KMT2A: variants seen among roughly 807,000 people sequenced by gnomAD.
KMT2A encodes histone-lysine N-methyltransferase 2A.
KMT2A carries 16 observed loss-of-function variants against 345.3 expected under a neutral mutation model. The observed-to-expected ratio is 0.05, with a 90% CI of 0.03 to 0.07. The LOEUF (loss-of-function observed/expected upper bound fraction) is 0.07. KMT2A is among the 10% of genes least tolerant of loss of function. The pLI is 1.00. For missense variants in KMT2A, 3,272 were observed against 4,841.6 expected (o/e 0.68, Z 9.62); for synonymous variants, 1,599 against 1,778.6 (o/e 0.90, Z 2.54).
chr11:118,437,314 C>T (rs1394490675), intron 1 of KMT2A, among the ~76,000 whole-genome samples: 1 of 152,008 alleles, frequency 6.6e-6, no homozygotes, highest in Non-Finnish European at 1.5e-5. Flanking sequence ...GAGACCTGAT[C>T]CCGCCACATC....
rs1428604342 is a variant in KMT2A at position 118,523,607 on chromosome 11, C to CA, written c.*1436dup. The CA allele has an allele frequency of 2.6e-5, 6 of 228,074 alleles. No homozygotes were observed. The East Asian group carries it at 3.2e-4, about 12-fold the overall frequency. The allele number at this position is 228,074 out of a possible 1,614,324, so 14.1% of individuals were successfully genotyped here. On this transcript the variant is annotated 3_prime_UTR_variant, in exon 36 of 36. Coordinates refer to ENST00000534358, the MANE Select transcript of KMT2A (RefSeq NM_001197104.2). The stretch of plus-strand genomic sequence containing the variant: ...GTATATTTTTCTATGAGAAGCACTT[C>CA]ATAGGGAGAAGCACTTATGACAAGG...
rs1555031481 is a variant in KMT2A at position 118,458,232 on chromosome 11, C to G, written c.433-10543C>G. On this transcript the variant is annotated intron_variant, in intron 1 of 35. Coordinates refer to ENST00000534358, the MANE Select transcript of KMT2A (RefSeq NM_001197104.2). ...CCAAGTAGCTGGGACTACAGGCACCCACCACACCCAGTTAATTTTTTCTAT... is the reference window on the plus strand; with the variant it reads ...CCAAGTAGCTGGGACTACAGGCACCGACCACACCCAGTTAATTTTTTCTAT... 1.0e-5 allele frequency: 3 copies of G among 300,928 alleles called. No homozygotes were observed. The Admixed American group carries it at 1.4e-4, about 14-fold the overall frequency. 18.6% of individuals were successfully genotyped at this position (300,928 alleles called of 1,614,324 possible).
In KMT2A at chr11:118,493,419, AG is replaced by A. The variant is rs1393031545; in HGVS notation, c.5178+192del. Reference sequence around the variant, plus strand: ...TGTGTTTCAGAAGAAGGGTTGTGATAGGGAAGATAATGTCTTAAAATAGTTC... The same window carrying A: ...TGTGTTTCAGAAGAAGGGTTGTGATAGGAAGATAATGTCTTAAAATAGTTC... On this transcript the variant is annotated intron_variant, in intron 16 of 35. Transcript: ENST00000534358. This position sits in a 1 kb window ranked among gnomAD's most constrained non-coding sequence, Gnocchi z 5.8. Among the ~76,000 whole-genome samples the A allele has an allele frequency of 1.3e-5, 2 of 152,248 alleles. No individual in the cohort carries two copies. The highest frequency in any genetic ancestry group is 2.4e-5 in the African/African-American group (1 of 41,478).
Position 118,473,906 on chromosome 11 carries a change from T to G in KMT2A, c.2747T>G (p.Val916Gly). The change falls in exon 3 of 36, where the codon GTT becomes GGT. Residue 916 changes from valine (V) to glycine (G), a missense_variant. By Grantham distance (109) the Val-to-Gly change is moderately radical. Coordinates refer to ENST00000534358, the MANE Select transcript of KMT2A (RefSeq NM_001197104.2). This position sits in a 1 kb window ranked among gnomAD's most constrained non-coding sequence, Gnocchi z 5.2. ...GTGGGTAGGGTTTCCAAAGAGAAGG[T>G]TGTTGGTGAAGATGTTGCCACTTCA... ...YPVGRVSKEK[V>G]VGEDVATSSS... The G allele has an allele frequency of 6.2e-7, 1 of 1,614,132 alleles. No individual in the cohort carries two copies. Among genetic ancestry groups the G allele is most frequent in the African/African-American group, 1.3e-5 (1 of 75,030 alleles).
At position 118,521,293 on chromosome 11, in the gene KMT2A, C is replaced by T. The variant is rs781904444; in HGVS notation, c.11519C>T (p.Pro3840Leu). 9.3e-6 allele frequency: 15 copies of T among 1,613,876 alleles called. No homozygotes were observed. In the East Asian group the frequency reaches 3.3e-4, roughly 36 times the overall value. Residue 3840 changes from proline (P) to leucine (L), a missense_variant, in exon 35 of 36, where the codon CCC (proline) becomes CTC (leucine). By Grantham distance (98) the Pro-to-Leu change is moderately conservative. Around this residue, in one of 27 missense-constraint regions of KMT2A, gnomAD observed 78 missense variants for 254.5 expected, o/e 0.31. Transcript: ENST00000534358. The surrounding 1 kb of genome is among the most constrained non-coding windows in gnomAD (Gnocchi z 5.3). ...SKEAVGVYRS[P>L]IHGRGLFCKR... ...CTTTTCCATCTTTGTCCTAGGTCTCCCATCCATGGCCGGGGTCTTTTCTGT... is the reference window on the plus strand; with the variant it reads ...CTTTTCCATCTTTGTCCTAGGTCTCTCATCCATGGCCGGGGTCTTTTCTGT...
rs1392459583 is a variant in KMT2A, at chr11:118,494,180, T to C, written c.5179-108T>C. 3.0e-6 allele frequency: 2 copies of C among 656,678 alleles called. No individual in the cohort carries two copies. Among genetic ancestry groups the C allele is most frequent in the Non-Finnish European group, 5.5e-6 (2 of 360,572 alleles). 40.7% of individuals were successfully genotyped at this position (656,678 alleles called of 1,614,324 possible). ...AGTATTATACCACATTAAAATAGGG[T>C]GTGAGTTTTCTGTTGGATCTCTGTG... On this transcript the variant is annotated intron_variant, in intron 16 of 35. Coordinates refer to ENST00000534358, the MANE Select transcript of KMT2A (RefSeq NM_001197104.2). The surrounding 1 kb of genome is among the most constrained non-coding windows in gnomAD (Gnocchi z 5.8).
rs1949983347 is a variant in KMT2A at position 118,473,651 on chromosome 11, G to C, written c.2492G>C (p.Ser831Thr). Residue 831 changes from serine (S) to threonine (T), a missense_variant, in exon 3 of 36, where the codon AGT becomes ACT. Ser to Thr is a moderately conservative substitution (Grantham distance 58). Transcript: ENST00000534358. The surrounding 1 kb of genome is among the most constrained non-coding windows in gnomAD (Gnocchi z 5.2). ...CCGGCAGAGCCATTTTCATCAAGTA[G>C]TCCTACTCCTCTCTTCCCTTGGTTT... ...SAPAEPFSSS[S>T]PTPLFPWFTP... 6.2e-7 allele frequency: 1 copy of C among 1,614,090 alleles called. No individual in the cohort carries two copies. The highest frequency in any genetic ancestry group is 8.5e-7 in the Non-Finnish European group (1 of 1,180,040).
chr11:118,479,973 A>T (rs1555038753), intron 5 of KMT2A, among the ~76,000 whole-genome samples: 1 of 152,232 alleles, frequency 6.6e-6, no homozygotes, highest in Admixed American at 6.5e-5. Flanking sequence ...TGCTCCTTTT[A>T]GATCCTAAAG....
At chr11:118,518,670 C>A (rs1950878828) in intron 31 of KMT2A, among the ~76,000 whole-genome samples, 1 of 151,504 alleles carries the variant, frequency 6.6e-6, no homozygotes, top group South Asian at 2.1e-4. Context: ...GTAGTCCCAG[C>A]TACTTGGGAG....
chr11:118,520,135 A>C lies in KMT2A; in HGVS notation c.11429+71A>C, dbSNP rs1037113398. The C allele has an allele frequency of 9.9e-7, 1 of 1,006,942 alleles. No individual in the cohort carries two copies. The highest frequency in any genetic ancestry group is 2.1e-4 in the Middle Eastern group (1 of 4,798). The allele number at this position is 1,006,942 out of a possible 1,614,324, so 62.4% of individuals were successfully genotyped here. A position where few individuals can be genotyped will look rare whatever the true frequency, so the allele number is the denominator to read the frequency against. On this transcript the variant is annotated intron_variant, in intron 33 of 35. Transcript: ENST00000534358. This position sits in a 1 kb window ranked among gnomAD's most constrained non-coding sequence, Gnocchi z 4.3. ...CCTCCAGCTGGTCAGGGCACTACGT[A>C]GGAATTTGTTTGCATCAGAATTTCC...
rs377462697 is a variant in KMT2A at position 118,488,711 on chromosome 11, G to A, written c.4430G>A (p.Arg1477His). ...GACCAGCTGGAAAATTGGTGTTGTC[G>A]TCGTTGCAAATTCTGTCACGTTTGT... ...LEDQLENWCCRRCKFCHVCGR... is the reference protein window; with the variant it reads ...LEDQLENWCCHRCKFCHVCGR... The change falls in exon 11 of 36, where the codon CGT becomes CAT. Residue 1477 changes from arginine (R) to histidine (H), a missense_variant. Coordinates refer to ENST00000534358, the MANE Select transcript of KMT2A (RefSeq NM_001197104.2). 5.0e-6 allele frequency: 8 copies of A among 1,614,132 alleles called. No homozygotes were observed. Among genetic ancestry groups the A allele is most frequent in the Admixed American group, 1.7e-5 (1 of 60,012 alleles).
intron 10 of KMT2A, among the ~76,000 whole-genome samples, chr11:118,485,206 TATTA>T (rs1419151885): frequency 2.0e-5 from 3 of 152,218 alleles, no homozygotes; most frequent in Admixed American, 6.5e-5. Flanking sequence ...ATTCAGTCTT[TATTA>T]GAGTTCTGAT....
rs1950428866 is a variant in KMT2A at position 118,497,506 on chromosome 11, C to T, written c.5665-430C>T. Among the ~76,000 whole-genome samples, 1 of 152,126 alleles carries T rather than the reference C, an allele frequency of 6.6e-6. No homozygotes were observed. The highest frequency in any genetic ancestry group is 6.5e-5 in the Admixed American group (1 of 15,280). On this transcript the variant is annotated intron_variant, in intron 20 of 35. Transcript: ENST00000534358. This position sits in a 1 kb window ranked among gnomAD's most constrained non-coding sequence, Gnocchi z 4.8. ...GGCTTCCGGGGCTCAAGTGATCCTC[C>T]TACCTCAGCCTCCTGAGTAGCTGAG...
intron 31 of KMT2A, among the ~76,000 whole-genome samples, chr11:118,515,365 G>A (rs1436105668): frequency 6.6e-6 from 1 of 152,020 alleles, no homozygotes; most frequent in African/African-American, 2.4e-5. Context: ...CTGTGCCTAC[G>A]GAAATCCCAA....
rs1380421628 is a variant in KMT2A at position 118,526,669 on chromosome 11, CA to C, written c.*4503del. 2 of 229,966 alleles carry C rather than the reference CA, an allele frequency of 8.7e-6. No individual in the cohort carries two copies. Among genetic ancestry groups the C allele is most frequent in the African/African-American group, 4.5e-5 (2 of 44,900 alleles). 14.2% of individuals were successfully genotyped at this position (229,966 alleles called of 1,614,324 possible). Reference sequence around the variant, plus strand: ...GATGAAGGAAAATACTTTAATAGTTCAAAAAATAATAATGCTGAAAGCTCTC... The same window carrying C: ...GATGAAGGAAAATACTTTAATAGTTCAAAAATAATAATGCTGAAAGCTCTC... On this transcript the variant is annotated 3_prime_UTR_variant, in exon 36 of 36. Transcript: ENST00000534358.
At chr11:118,512,126 T>A (rs1262113670) in intron 31 of KMT2A, 101 bp downstream of exon 31, 6 of 1,018,440 alleles carry the variant, frequency 5.9e-6, no homozygotes, top group African/African-American at 1.6e-5. Flanking sequence ...CAGTTAAAAA[T>A]TTTTTTCACA....
In KMT2A at chr11:118,436,766, C is replaced by T. The variant is rs1555138671; in HGVS notation, c.254C>T (p.Ser85Phe). The T allele has an allele frequency of 6.2e-7, 1 of 1,603,740 alleles. No individual in the cohort carries two copies. The highest frequency in any genetic ancestry group is 8.5e-7 in the Non-Finnish European group (1 of 1,175,632). The change falls in exon 1 of 36, where the codon TCC (serine) becomes TTC (phenylalanine). Residue 85 changes from serine (S) to phenylalanine (F), a missense_variant. Coordinates refer to ENST00000534358, the MANE Select transcript of KMT2A (RefSeq NM_001197104.2). The surrounding 1 kb of genome is among the most constrained non-coding windows in gnomAD (Gnocchi z 6.9). Reference protein sequence around the residue: ...PGGAAAASAASSSSASSSSSS... With the variant: ...PGGAAAASAAFSSSASSSSSS... ...GGAGCGGCCGCCGCCTCAGCAGCCT[C>T]CTCGTCGTCCGCCTCGTCTTCGTCT... is the stretch of plus-strand genomic sequence containing the variant.
intron 31 of KMT2A, 37 bp from the exon 32 acceptor site, chr11:118,519,581 G>A (rs2135280820): frequency 1.3e-6 from 2 of 1,588,918 alleles, no homozygotes; most frequent in Non-Finnish European, 1.7e-6. Context: ...CCTGTTGACT[G>A]CGCTCCTCAC....
At chr11:118,499,264 G>T (rs142941582) in intron 22 of KMT2A, 39 bp from the exon 23 acceptor site, 2 of 1,249,908 alleles carry the variant, frequency 1.6e-6, no homozygotes, top group Middle Eastern at 1.9e-4. Context: ...AATGTGCAAA[G>T]GGACAGCCTA....
Sources: gnomAD v4.1 joint callset for allele counts (sites outside exome capture counted in the v4.1 genomes callset) on GRCh38, gnomAD v4.1.1 for gene constraint, gnomAD v4.1.1 regional missense constraint, Gnocchi (gnomAD v3.1) non-coding constraint, MANE v1.5 for transcripts, NCBI Gene and HGNC (gene_info 2026-07-23, HGNC 2026-07-21) for gene names.